The following MMP16 variants were observed in gnomAD, a reference collection of about 807,000 sequenced individuals.
The protein encoded by MMP16 is matrix metalloproteinase-16.
In MMP16, 12 loss-of-function variants were observed where a neutral mutation model predicts 67.8. That is an observed-to-expected ratio of 0.18 (90% CI 0.11 to 0.29). The LOEUF is 0.29. Among genes scored for constraint, MMP16 ranks in the 10% least tolerant of loss-of-function variants. The pLI is 1.00. For missense variants in MMP16, 475 were observed against 765.7 expected (o/e 0.62, Z 4.48); for synonymous variants, 249 against 255.9 (o/e 0.97, Z 0.26).
chr8:88,159,156 T>G (rs1269682135), intron 4 of MMP16, among the ~76,000 whole-genome samples: 1 of 152,182 alleles, frequency 6.6e-6, no homozygotes, highest in Admixed American at 6.5e-5. Context: ...TGGGCTCTCT[T>G]TTGGGTCCAT....
At chr8:88,176,569 A>C (rs1002795799) in intron 3 of MMP16, among the ~76,000 whole-genome samples, 1 of 152,176 alleles carries the variant, frequency 6.6e-6, no homozygotes, top group Non-Finnish European at 1.5e-5. Flanking sequence ...TTCCATTACT[A>C]CTTATTGATT....
intron 1 of MMP16, among the ~76,000 whole-genome samples, chr8:88,273,699 A>G (rs1810601352): frequency 6.6e-6 from 1 of 152,214 alleles, no homozygotes; most frequent in Non-Finnish European, 1.5e-5. Context: ...TTAAAAATCC[A>G]CATAGAATTG....
rs28991898 is a variant in MMP16 at position 88,057,205 on chromosome 8, C to A, written c.1223-927G>T. 3.6e-3 allele frequency among the ~76,000 whole-genome samples: 547 copies of A among 152,176 alleles called. 4 individuals carry two copies. The highest frequency in any genetic ancestry group is 0.017 in the Middle Eastern group (5 of 294). ...ACCATTTTCTTTTGTTTTGTTTGTTCTCTAGCTGCTCCTTTCTGGGCTTAT... is the reference window on the plus strand; with the variant it reads ...ACCATTTTCTTTTGTTTTGTTTGTTATCTAGCTGCTCCTTTCTGGGCTTAT... On this transcript the variant is annotated intron_variant, in intron 7 of 9. Coordinates refer to ENST00000286614, the MANE Select transcript of MMP16 (RefSeq NM_005941.5).
At chr8:88,133,481 T>G (rs1297324567) in intron 4 of MMP16, among the ~76,000 whole-genome samples, 2 of 151,846 alleles carry the variant, frequency 1.3e-5, no homozygotes, top group Non-Finnish European at 2.9e-5. Flanking sequence ...TAAACTGAAC[T>G]TTTAATGTTT....
chr8:88,033,648 A>G lies in MMP16; in HGVS notation c.*7813T>C, dbSNP rs947048121. The stretch of plus-strand genomic sequence containing the variant: ...CTCCTATAATATAAAAACAAGATCT[A>G]TTTGTTTAAAATCAGATACCTAAAA... On this transcript the variant is annotated 3_prime_UTR_variant, in exon 10 of 10. Transcript: ENST00000286614. 1 of 151,988 alleles carries G rather than the reference A, an allele frequency of 6.6e-6. No individual in the cohort carries two copies. The highest frequency in any genetic ancestry group is 6.6e-5 in the Admixed American group (1 of 15,218). The allele number at this position is 151,988 out of a possible 1,614,324, so 9.4% of individuals were successfully genotyped here.
chr8:88,185,435 G>A (rs916914741), intron 3 of MMP16, among the ~76,000 whole-genome samples: 1 of 151,958 alleles, frequency 6.6e-6, no homozygotes, highest in Non-Finnish European at 1.5e-5. Flanking sequence ...CTCCAACCTG[G>A]GTGATGGAAA....
intron 1 of MMP16, among the ~76,000 whole-genome samples, chr8:88,245,581 C>T (rs1471812283): frequency 6.6e-6 from 1 of 152,096 alleles, no homozygotes; most frequent in Non-Finnish European, 1.5e-5. Flanking sequence ...ATATGGAGAC[C>T]AATCTGTATG....
chr8:88,072,583 G>C (rs1042674332), intron 7 of MMP16, among the ~76,000 whole-genome samples: 5 of 152,110 alleles, frequency 3.3e-5, no homozygotes, highest in Admixed American at 3.3e-4. Context: ...CTGGTGGTTA[G>C]AGAAGTCTGG....
chr8:88,285,030 A>G (rs981151558), intron 1 of MMP16, among the ~76,000 whole-genome samples: 6 of 152,162 alleles, frequency 3.9e-5, no homozygotes, highest in Non-Finnish European at 7.3e-5. Flanking sequence ...CCCCCATAAC[A>G]GCATTTAGCA....
intron 6 of MMP16, among the ~76,000 whole-genome samples, chr8:88,099,290 G>A (rs573810558): frequency 6.6e-6 from 1 of 151,518 alleles, no homozygotes; most frequent in Non-Finnish European, 1.5e-5. Flanking sequence ...ATATTTTTCA[G>A]GTCCCATATC....
At chr8:88,291,378 A>G (rs1399022775) in intron 1 of MMP16, among the ~76,000 whole-genome samples, 1 of 152,222 alleles carries the variant, frequency 6.6e-6, no homozygotes, top group Non-Finnish European at 1.5e-5. Flanking sequence ...AATTTTTAGA[A>G]GCCCAAATTA....
chr8:88,049,007 C>T (rs1223719677), intron 8 of MMP16, among the ~76,000 whole-genome samples: 1 of 152,148 alleles, frequency 6.6e-6, no homozygotes, highest in Non-Finnish European at 1.5e-5. Flanking sequence ...CCATCTTCAA[C>T]GTGCACATAG....
intron 4 of MMP16, among the ~76,000 whole-genome samples, chr8:88,159,225 G>A: frequency 6.6e-6 from 1 of 152,082 alleles, no homozygotes; most frequent in Admixed American, 6.6e-5. Flanking sequence ...AGCTTGAGGG[G>A]GATGGCATTG....
intron 1 of MMP16, among the ~76,000 whole-genome samples, chr8:88,297,303 A>G (rs1198231549): frequency 6.6e-6 from 1 of 152,186 alleles, no homozygotes; most frequent in Non-Finnish European, 1.5e-5. Flanking sequence ...AGCAGTGCCA[A>G]CAGCTAGAAT....
chr8:88,220,312 T>C (rs951059457), intron 1 of MMP16, among the ~76,000 whole-genome samples: 1 of 152,136 alleles, frequency 6.6e-6, no homozygotes, highest in Admixed American at 6.6e-5. Context: ...ACTTTTAAGT[T>C]TTGTATTTTA....
intron 7 of MMP16, among the ~76,000 whole-genome samples, chr8:88,073,027 T>A (rs191893116): frequency 1.6e-4 from 25 of 152,288 alleles, no homozygotes; most frequent in Admixed American, 4.6e-4. Context: ...TGTGGCAGTT[T>A]CGCCTCAGGC....
rs188141616 is a variant in MMP16 at position 88,061,771 on chromosome 8, T to C, written c.1223-5493A>G. 5.9e-5 allele frequency among the ~76,000 whole-genome samples: 9 copies of C among 152,272 alleles called. No homozygotes were observed. In the East Asian group the frequency reaches 1.7e-3, roughly 29 times the overall value. Reference sequence around the variant, plus strand: ...TTATTGTTGCTGTTTATAAAAACTATGCATTGAAAATACTTTCCTGTACTG... The same window carrying C: ...TTATTGTTGCTGTTTATAAAAACTACGCATTGAAAATACTTTCCTGTACTG... On this transcript the variant is annotated intron_variant, in intron 7 of 9. Coordinates refer to ENST00000286614, the MANE Select transcript of MMP16 (RefSeq NM_005941.5).
At chr8:88,050,071 C>T (rs1052850081) in intron 8 of MMP16, among the ~76,000 whole-genome samples, 2 of 152,020 alleles carry the variant, frequency 1.3e-5, no homozygotes, top group African/African-American at 4.8e-5. Flanking sequence ...CCTGTAATTC[C>T]ACCACTTTGG....
At chr8:88,106,924 A>C in intron 6 of MMP16, among the ~76,000 whole-genome samples, 1 of 151,174 alleles carries the variant, frequency 6.6e-6, no homozygotes, top group East Asian at 1.9e-4. Context: ...AAATCTATCA[A>C]GGTATTATGA....
Sources: gnomAD v4.1 joint callset for allele counts (sites outside exome capture counted in the v4.1 genomes callset) on GRCh38, gnomAD v4.1.1 for gene constraint, MANE v1.5 for transcripts, NCBI Gene and HGNC (gene_info 2026-07-23, HGNC 2026-07-21) for gene names.